The following DNAJC1 variants were observed in gnomAD, a reference collection of about 807,000 sequenced individuals.
DNAJC1 encodes DnaJ heat shock protein family (Hsp40) member C1.
Under a neutral mutation model 76.6 loss-of-function variants are expected in DNAJC1, and 58 were observed. That is an observed-to-expected ratio of 0.76 (90% CI 0.61 to 0.94). The LOEUF is 0.94. Ranked by LOEUF, DNAJC1 falls within the 40% of genes least tolerant of loss-of-function variation. DNAJC1 has a pLI of 0.00. For synonymous variants in DNAJC1, 258 were observed against 267.9 expected (o/e 0.96, Z 0.36); for missense variants, 689 against 677.3 (o/e 1.02, Z -0.19).
At chr10:21,925,156 C>T (rs1397945843) in intron 3 of DNAJC1, among the ~76,000 whole-genome samples, 8 of 152,016 alleles carry the variant, frequency 5.3e-5, no homozygotes, top group Non-Finnish European at 8.8e-5. Flanking sequence ...GGACTACAGG[C>T]ATGCAACACT....
chr10:21,766,458 T>C, intron 9 of DNAJC1, 149 bp from the exon 10 acceptor site: 3 of 640,414 alleles, frequency 4.7e-6, no homozygotes, highest in South Asian at 1.9e-5. Flanking sequence ...CATCCATTAA[T>C]GTAATTAACA....
At chr10:21,949,016 A>T (rs962086035) in intron 1 of DNAJC1, among the ~76,000 whole-genome samples, 2 of 152,212 alleles carry the variant, frequency 1.3e-5, no homozygotes, top group Admixed American at 6.5e-5. Flanking sequence ...AGTGGAGGCA[A>T]TATTTTTAAA....
chr10:21,902,191 A>G (rs1175717933), intron 7 of DNAJC1, among the ~76,000 whole-genome samples: 4 of 152,178 alleles, frequency 2.6e-5, no homozygotes, highest in Non-Finnish European at 5.9e-5. Flanking sequence ...TTCCATTCTG[A>G]GTTTCAATAA....
chr10:21,766,537 G>A (rs1365882210), intron 9 of DNAJC1, among the ~76,000 whole-genome samples: 1 of 152,132 alleles, frequency 6.6e-6, no homozygotes, highest in African/African-American at 2.4e-5. Context: ...AGCAGCTTCA[G>A]GACAAGAACT....
intron 1 of DNAJC1, among the ~76,000 whole-genome samples, chr10:21,963,937 T>C (rs1164262343): frequency 6.6e-6 from 1 of 152,232 alleles, no homozygotes; most frequent in African/African-American, 2.4e-5. Context: ...TTATTTGTTT[T>C]CCTAAACTCT....
intron 1 of DNAJC1, among the ~76,000 whole-genome samples, chr10:21,946,940 C>T (rs578044240): frequency 1.3e-5 from 2 of 152,228 alleles, no homozygotes; most frequent in South Asian, 2.1e-4. Flanking sequence ...GGATTAATGG[C>T]ATAAAAGGGC....
In DNAJC1 at chr10:21,778,154, A is replaced by G. The variant is rs190779882; in HGVS notation, c.1099-11845T>C. Among the ~76,000 whole-genome samples the G allele has an allele frequency of 2.5e-4, 38 of 152,314 alleles. No homozygotes were observed. The East Asian group carries it at 5.0e-3, about 20-fold the overall frequency. Reference sequence around the variant, plus strand: ...CAGTGAGCCAAGATGGCACCACACCACTGCACTCCAGCCTGGGCGACAGAG... The same window carrying G: ...CAGTGAGCCAAGATGGCACCACACCGCTGCACTCCAGCCTGGGCGACAGAG... On this transcript the variant is annotated intron_variant, in intron 9 of 11. Transcript: ENST00000376980.
chr10:21,774,999 G>T (rs1401736069), intron 9 of DNAJC1, among the ~76,000 whole-genome samples: 1 of 152,174 alleles, frequency 6.6e-6, no homozygotes, highest in East Asian at 1.9e-4. Flanking sequence ...CTCAGTTTGA[G>T]AATAGTTAAG....
intron 1 of DNAJC1, among the ~76,000 whole-genome samples, chr10:21,984,604 T>A (rs7096658): frequency 6.6e-6 from 1 of 151,672 alleles, no homozygotes; most frequent in African/African-American, 2.4e-5. Context: ...TCCAATAACA[T>A]AGGAGTTCTA....
intron 1 of DNAJC1, among the ~76,000 whole-genome samples, chr10:21,976,530 G>A (rs1838065627): frequency 6.6e-6 from 1 of 152,162 alleles, no homozygotes; most frequent in African/African-American, 2.4e-5. Context: ...ATTTGTCACT[G>A]AATCTTTGTA....
At chr10:21,997,486 A>T (rs1838437259) in intron 1 of DNAJC1, among the ~76,000 whole-genome samples, 1 of 152,096 alleles carries the variant, frequency 6.6e-6, no homozygotes, top group South Asian at 2.1e-4. Context: ...GATTCCCACT[A>T]CTCATAGCTT....
chr10:21,906,359 C>T (rs1836745586), intron 6 of DNAJC1, among the ~76,000 whole-genome samples: 1 of 151,506 alleles, frequency 6.6e-6, no homozygotes, highest in South Asian at 2.1e-4. Context: ...TTCCCCACCC[C>T]CCTTAAAAAA....
At chr10:21,834,773 AG>A (rs1835422343) in intron 8 of DNAJC1, among the ~76,000 whole-genome samples, 1 of 151,948 alleles carries the variant, frequency 6.6e-6, no homozygotes, top group African/African-American at 2.4e-5. Context: ...AGGCTGGGGG[AG>A]GGGCACCCGC....
intron 3 of DNAJC1, among the ~76,000 whole-genome samples, chr10:21,925,533 C>T (rs933468862): frequency 3.9e-5 from 6 of 152,132 alleles, no homozygotes; most frequent in Non-Finnish European, 5.9e-5. Context: ...CTGCAAACAA[C>T]CCACATGTCC....
Position 21,816,615 on chromosome 10 carries a change from C to T in DNAJC1, c.979-10516G>A, listed in dbSNP as rs374150964. Among the ~76,000 whole-genome samples, 17 of 149,618 alleles carry T rather than the reference C, an allele frequency of 1.1e-4. No homozygotes were observed. The East Asian group carries it at 1.4e-3, about 13-fold the overall frequency. ...GGCTGGAGTGCAGTGGTGCGATCTC[C>T]GCTCACTGAAAGCTCCGCCTCCCGG... is the stretch of plus-strand genomic sequence containing the variant. On this transcript the variant is annotated intron_variant, in intron 8 of 11. Transcript: ENST00000376980.
Position 21,929,141 on chromosome 10 carries a change from C to T in DNAJC1, c.223G>A (p.Asp75Asn). ...NFYQFLGVQQ[D>N]ASSADIRKAY... ...TTTCTGATGTCTGCAGATGATGCAT[C>T]CTGGAGGTGGTAGGGGGAGGGGAAA... Residue 75 changes from aspartate (D) to asparagine (N), a missense_variant and splice_region_variant, in exon 2 of 12, where the codon GAT becomes AAT. Transcript: ENST00000376980. 6.2e-7 allele frequency: 1 copy of T among 1,603,550 alleles called. No individual in the cohort carries two copies. The highest frequency in any genetic ancestry group is 8.5e-7 in the Non-Finnish European group (1 of 1,173,936).
At chr10:21,938,802 A>G (rs1381808991) in intron 1 of DNAJC1, among the ~76,000 whole-genome samples, 1 of 152,242 alleles carries the variant, frequency 6.6e-6, no homozygotes, top group Non-Finnish European at 1.5e-5. Context: ...TAGTAGAAAA[A>G]TATTTGGCTA....
chr10:21,924,187 A>C (rs1837083906), intron 3 of DNAJC1, among the ~76,000 whole-genome samples: 1 of 152,088 alleles, frequency 6.6e-6, no homozygotes, highest in African/African-American at 2.4e-5. Flanking sequence ...CACTTTATTT[A>C]GGAAAGGTGC....
intron 9 of DNAJC1, among the ~76,000 whole-genome samples, chr10:21,795,695 T>C (rs1834743878): frequency 2.0e-5 from 3 of 152,196 alleles, no homozygotes; most frequent in Admixed American, 2.0e-4. Flanking sequence ...AGTACAATAC[T>C]GTTAACTATA....
Sources: gnomAD v4.1 joint callset for allele counts (sites outside exome capture counted in the v4.1 genomes callset) on GRCh38, gnomAD v4.1.1 for gene constraint, MANE v1.5 for transcripts, NCBI Gene and HGNC (gene_info 2026-07-23, HGNC 2026-07-21) for gene names.